The following GLUD1 variants were observed in gnomAD, a reference collection of about 807,000 sequenced individuals.
The protein encoded by GLUD1 is glutamate dehydrogenase 1, also known as glutamate dehydrogenase 1, mitochondrial.
A neutral mutation model predicts 56.0 loss-of-function variants in GLUD1; 22 were observed. That is an observed-to-expected ratio of 0.39 (90% CI 0.28 to 0.56). GLUD1 has a LOEUF of 0.56. Ranked by LOEUF, GLUD1 falls within the 20% of genes least tolerant of loss-of-function variation. The pLI is 0.58. For synonymous variants in GLUD1, 223 were observed against 269.9 expected, an observed-to-expected ratio of 0.83 and a Z score of 1.70; for missense variants, 451 against 732.0, an observed-to-expected ratio of 0.62 and a Z score of 4.43.
rs1229600319 is a variant in GLUD1, at chr10:87,078,805, G to A, written c.446-2149C>T. Among the ~76,000 whole-genome samples the A allele has an allele frequency of 4.6e-5, 7 of 152,080 alleles. No individual in the cohort carries two copies. In the East Asian group the frequency reaches 5.8e-4, roughly 13 times the overall value. On this transcript the variant is annotated intron_variant, in intron 1 of 12. Transcript: ENST00000277865. The stretch of plus-strand genomic sequence containing the variant: ...TCAATTAGAAGGAATAAGTTTCTTC[G>A]AGATAGATTGCACAGCATGGTGAAT...
At chr10:87,088,103 AC>A (rs1841426934) in intron 1 of GLUD1, among the ~76,000 whole-genome samples, 1 of 151,774 alleles carries the variant, frequency 6.6e-6, no homozygotes, top group Admixed American at 6.6e-5. Context: ...AAACAAAAAA[AC>A]AAATAAACAA....
chr10:87,081,946 C>CAAAAAAAAAAAAAAAA (rs71019464), intron 1 of GLUD1, among the ~76,000 whole-genome samples: 44 of 85,514 alleles, frequency 5.1e-4, no homozygotes, highest in Non-Finnish European at 7.2e-4. Context: ...ATGATCAATA[C>CAAAAAAAAAAAAAAAA]AAAAAAAAAA....
chr10:87,070,560 C>T (rs1846205307), intron 4 of GLUD1, among the ~76,000 whole-genome samples: 1 of 152,138 alleles, frequency 6.6e-6, no homozygotes, highest in Admixed American at 6.5e-5. Context: ...GATCACGCCA[C>T]TGAGCTCCAG....
chr10:87,065,272 CAAAAAAAAAA>C (rs59540767), intron 5 of GLUD1, among the ~76,000 whole-genome samples: 36 of 60,818 alleles, frequency 5.9e-4, no homozygotes, highest in African/African-American at 1.9e-3. Context: ...GACTCCGTCT[CAAAAAAAAAA>C]AAAAAAAAAA....
intron 1 of GLUD1, chr10:87,089,488 T>C (rs1423669755): frequency 1.0e-5 from 3 of 297,046 alleles, no homozygotes; most frequent in African/African-American, 6.8e-5. Flanking sequence ...GAACTGATGA[T>C]GCATGAAAAG....
At chr10:87,092,922 A>G (rs1841550088) in intron 1 of GLUD1, among the ~76,000 whole-genome samples, 1 of 152,214 alleles carries the variant, frequency 6.6e-6, no homozygotes, top group Non-Finnish European at 1.5e-5. Flanking sequence ...GGAAGAAGGC[A>G]GGCAAATGTA....
chr10:87,056,707 C>G (rs1564762830), intron 11 of GLUD1, among the ~76,000 whole-genome samples: 1 of 152,044 alleles, frequency 6.6e-6, no homozygotes, highest in Admixed American at 6.5e-5. Context: ...AGGGCAGGAA[C>G]ACTTTAATAA....
intron 5 of GLUD1, among the ~76,000 whole-genome samples, chr10:87,065,272 CAAAAAAA>C (rs59540767): frequency 6.6e-5 from 4 of 60,818 alleles, no homozygotes; most frequent in Admixed American, 2.3e-4. Context: ...GACTCCGTCT[CAAAAAAA>C]AAAAAAAAAA....
chr10:87,072,123 A>C (rs1846255778), intron 4 of GLUD1, among the ~76,000 whole-genome samples: 1 of 152,242 alleles, frequency 6.6e-6, no homozygotes, highest in African/African-American at 2.4e-5. Flanking sequence ...AAATTAAAAA[A>C]TTAGCTAGGC....
chr10:87,076,719 A>T, intron 1 of GLUD1, 63 bp from the exon 2 acceptor site: 1 of 917,012 alleles, frequency 1.1e-6, no homozygotes. Context: ...TATTTAGAAC[A>T]AACTTAAGTA....
intron 1 of GLUD1, among the ~76,000 whole-genome samples, chr10:87,093,214 A>G (rs1214845561): frequency 1.3e-5 from 2 of 152,256 alleles, no homozygotes; most frequent in Admixed American, 1.3e-4. Context: ...CTGAAAGACC[A>G]CAGAACCAGG....
In GLUD1 at chr10:87,059,279, C is replaced by A. The variant is rs374548261; in HGVS notation, c.1279-6G>T. 4.3e-6 allele frequency: 7 copies of A among 1,613,318 alleles called. No individual in the cohort carries two copies. The highest frequency in any genetic ancestry group is 5.9e-6 in the Non-Finnish European group (7 of 1,179,302). ...CCAGCATTCAAGTAGAGATCCTATGCACAAAAATAAGACAAAGAAATTAGA... is the reference window on the plus strand; with the variant it reads ...CCAGCATTCAAGTAGAGATCCTATGAACAAAAATAAGACAAAGAAATTAGA... On this transcript the variant is annotated splice_region_variant and splice_polypyrimidine_tract_variant and intron_variant, in intron 9 of 12. Transcript: ENST00000277865.
rs1365464296 is a variant in GLUD1 at position 87,050,233 on chromosome 10, T to C, written c.*1518A>G. Among the ~76,000 whole-genome samples, 2 of 151,434 alleles carry C rather than the reference T, an allele frequency of 1.3e-5. No individual in the cohort carries two copies. The highest frequency in any genetic ancestry group is 6.6e-5 in the Admixed American group (1 of 15,164). ...TCATATTATTTAATAAAATACAAAATAATTCGAGAATAAAGACTATGCTTT... is the reference window on the plus strand; with the variant it reads ...TCATATTATTTAATAAAATACAAAACAATTCGAGAATAAAGACTATGCTTT... On this transcript the variant is annotated 3_prime_UTR_variant, in exon 13 of 13. Coordinates refer to ENST00000277865, the MANE Select transcript of GLUD1 (RefSeq NM_005271.5).
chr10:87,087,879 G>A (rs1349140471), intron 1 of GLUD1, among the ~76,000 whole-genome samples: 1 of 152,102 alleles, frequency 6.6e-6, no homozygotes, highest in African/African-American at 2.4e-5. Context: ...TCGGGAGTTC[G>A]AGACCAGCCT....
intron 1 of GLUD1, among the ~76,000 whole-genome samples, chr10:87,080,700 G>A (rs1400911737): frequency 1.4e-4 from 21 of 148,036 alleles, no homozygotes; most frequent in African/African-American, 2.0e-4. Context: ...CCCTCTGCCC[G>A]GCAACCGCCC....
At chr10:87,059,125 G>A (rs1845864900) in intron 10 of GLUD1, 25 bp downstream of exon 10, 2 of 1,611,634 alleles carry the variant, frequency 1.2e-6, no homozygotes, top group South Asian at 1.1e-5. Context: ...GATGAGTTTT[G>A]GCGAACAAGA....
chr10:87,083,219 TAAAA>T, intron 1 of GLUD1, among the ~76,000 whole-genome samples: 1 of 134,626 alleles, frequency 7.4e-6, no homozygotes, highest in Non-Finnish European at 1.6e-5. Flanking sequence ...TCAAAAAAAT[TAAAA>T]AAAAAAAAAA....
chr10:87,085,326 A>G (rs1841355028), intron 1 of GLUD1, among the ~76,000 whole-genome samples: 1 of 148,908 alleles, frequency 6.7e-6, no homozygotes, highest in South Asian at 2.1e-4. Flanking sequence ...AGCCTGGGCG[A>G]CAGAGAGTGA....
chr10:87,087,443 G>C (rs1056311013), intron 1 of GLUD1, among the ~76,000 whole-genome samples: 2 of 152,118 alleles, frequency 1.3e-5, no homozygotes, highest in Non-Finnish European at 2.9e-5. Flanking sequence ...GAGGTCAAAG[G>C]GTGGGACTGA....
Sources: gnomAD v4.1 joint callset for allele counts (sites outside exome capture counted in the v4.1 genomes callset) on GRCh38, gnomAD v4.1.1 for gene constraint, MANE v1.5 for transcripts, NCBI Gene and HGNC (gene_info 2026-07-23, HGNC 2026-07-21) for gene names.